Variants in ZMYM4 observed in about 807,000 individuals in gnomAD.
The protein encoded by ZMYM4 is zinc finger MYM-type protein 4.
ZMYM4 carries 31 observed loss-of-function variants against 183.2 expected under a neutral mutation model. The ratio of observed to expected loss-of-function variants is 0.17; its 90% CI spans 0.13 to 0.23. The LOEUF (loss-of-function observed/expected upper bound fraction) is 0.23, where lower values mean the gene tolerates loss of function less well. ZMYM4 is among the 10% of genes least tolerant of loss of function. ZMYM4 has a pLI of 1.00. For synonymous variants in ZMYM4, 592 were observed against 631.2 expected (o/e 0.94, Z 0.93); for missense variants, 1,273 against 1,840.3 (o/e 0.69, Z 5.64).
chr1:35,410,029 G>A (rs540142451), intron 26 of ZMYM4, among the ~76,000 whole-genome samples: 3 of 152,172 alleles, frequency 2.0e-5, no homozygotes, highest in East Asian at 1.9e-4. Context: ...TCTGGTGAGC[G>A]CTTCAGGAAG....
At chr1:35,299,772 C>A (rs769950643) in intron 1 of ZMYM4, among the ~76,000 whole-genome samples, 1 of 151,842 alleles carries the variant, frequency 6.6e-6, no homozygotes, top group Non-Finnish European at 1.5e-5. Flanking sequence ...AAGCAACCAA[C>A]AGAGATTCTT....
Position 35,392,338 on chromosome 1 carries a change from A to G in ZMYM4, c.2714A>G (p.Asn905Ser), listed in dbSNP as rs776613438. ...GCTGCTCAGCCTACAGTGAATTCTAACAGTGTCTTACAAGGTATGGCTTGA... is the reference window on the plus strand; with the variant it reads ...GCTGCTCAGCCTACAGTGAATTCTAGCAGTGTCTTACAAGGTATGGCTTGA... The part of the protein sequence containing the change: ...APAAQPTVNS[N>S]SVLQGAVPTV... The change falls in exon 16 of 30, where the codon AAC (asparagine) becomes AGC (serine). Residue 905 changes from asparagine (N) to serine (S), a missense_variant. This residue lies in a region of ZMYM4 where 290 missense variants were observed against 353.3 expected (regional missense o/e 0.82). Coordinates refer to ENST00000314607, the MANE Select transcript of ZMYM4 (RefSeq NM_005095.3). 2 of 1,613,954 alleles carry G rather than the reference A, an allele frequency of 1.2e-6. No individual in the cohort carries two copies. Among genetic ancestry groups the G allele is most frequent in the African/African-American group, 1.3e-5 (1 of 74,936 alleles).
At chr1:35,351,284 A>G in intron 2 of ZMYM4, 1 of 1,581,734 alleles carries the variant, frequency 6.3e-7, no homozygotes, top group Non-Finnish European at 8.7e-7. Flanking sequence ...AAAGCAAGGA[A>G]TTTAATGCAG....
chr1:35,415,903 A>G (rs370337087), intron 28 of ZMYM4, among the ~76,000 whole-genome samples, 189 bp downstream of exon 28: 1 of 152,266 alleles, frequency 6.6e-6, no homozygotes, highest in African/African-American at 2.4e-5. Context: ...ACGTGCTTCA[A>G]TATACTTTCA....
intron 1 of ZMYM4, among the ~76,000 whole-genome samples, chr1:35,284,541 C>G (rs1482473996): frequency 6.6e-6 from 1 of 152,140 alleles, no homozygotes; most frequent in Non-Finnish European, 1.5e-5. Context: ...GTTGAAGAGC[C>G]TGTTCTTTCC....
At chr1:35,271,998 T>C (rs1347013222) in intron 1 of ZMYM4, among the ~76,000 whole-genome samples, 4 of 152,354 alleles carry the variant, frequency 2.6e-5, no homozygotes, top group Non-Finnish European at 4.4e-5. Flanking sequence ...ATAATATTTT[T>C]TGATCCATAA....
chr1:35,335,254 CCAGA>C (rs1009115864), intron 2 of ZMYM4, among the ~76,000 whole-genome samples: 1 of 149,582 alleles, frequency 6.7e-6, no homozygotes, highest in Admixed American at 6.6e-5. Context: ...TTTTTTTTTC[CCAGA>C]CAGAGTCTCG....
At chr1:35,325,996 C>T (rs759244691) in intron 2 of ZMYM4, among the ~76,000 whole-genome samples, 15 of 152,088 alleles carry the variant, frequency 9.9e-5, no homozygotes, top group South Asian at 2.1e-4. Flanking sequence ...CATTCAACTG[C>T]GTAGACATCT....
intron 2 of ZMYM4, among the ~76,000 whole-genome samples, chr1:35,353,149 T>C (rs756160031): frequency 1.3e-5 from 2 of 152,232 alleles, no homozygotes; most frequent in Non-Finnish European, 2.9e-5. Context: ...TATCAGGCAA[T>C]GCCTCTACCT....
At chr1:35,392,488 T>A (rs1644728442) in intron 16 of ZMYM4, 136 bp downstream of exon 16, 1 of 1,295,920 alleles carries the variant, frequency 7.7e-7, no homozygotes, top group Non-Finnish European at 1.1e-6. Flanking sequence ...TGCACAAGTT[T>A]CATATCTCAT....
Position 35,346,807 on chromosome 1 carries a change from T to G in ZMYM4, c.86-12118T>G, listed in dbSNP as rs149324741. On this transcript the variant is annotated intron_variant, in intron 2 of 29. Transcript: ENST00000314607. Reference sequence around the variant, plus strand: ...CTACACATAGCAACATTTCTATAGATGTAGTGTTAGCAAACCTTTTTCCTA... The same window carrying G: ...CTACACATAGCAACATTTCTATAGAGGTAGTGTTAGCAAACCTTTTTCCTA... Among the ~76,000 whole-genome samples the G allele has an allele frequency of 7.0e-3, 1,073 of 152,276 alleles. 2 individuals are homozygous for G. Among genetic ancestry groups the G allele is most frequent in the Admixed American group, 0.012 (189 of 15,286 alleles).
At chr1:35,294,331 A>T (rs935730629) in intron 1 of ZMYM4, among the ~76,000 whole-genome samples, 1 of 152,190 alleles carries the variant, frequency 6.6e-6, no homozygotes, top group Non-Finnish European at 1.5e-5. Flanking sequence ...ACTCAATATT[A>T]TAAAAGTATG....
chr1:35,310,357 GT>G, intron 1 of ZMYM4: 1 of 264,052 alleles, frequency 3.8e-6, no homozygotes. Flanking sequence ...TGAGGGGCAA[GT>G]TTTTCACTAA....
At position 35,387,681 on chromosome 1, in the gene ZMYM4, T is replaced by C. The variant is rs1644607042; in HGVS notation, c.2263+77T>C. The C allele has an allele frequency of 2.8e-6, 4 of 1,443,942 alleles. No homozygotes were observed. The African/African-American group carries it at 4.3e-5, about 15-fold the overall frequency. The allele number at this position is 1,443,942 out of a possible 1,614,324, so 89.4% of individuals were successfully genotyped here. A position where few individuals can be genotyped will look rare whatever the true frequency, so the allele number is the denominator to read the frequency against. On this transcript the variant is annotated intron_variant, in intron 13 of 29. Coordinates refer to ENST00000314607, the MANE Select transcript of ZMYM4 (RefSeq NM_005095.3). ...AGTTGATGATGATTTAAGCTTTCACTGTCTAAGTTAATCTGTTTTATTGTT... is the reference window on the plus strand; with the variant it reads ...AGTTGATGATGATTTAAGCTTTCACCGTCTAAGTTAATCTGTTTTATTGTT...
intron 20 of ZMYM4, among the ~76,000 whole-genome samples, chr1:35,398,132 C>T (rs1008510207): frequency 1.3e-5 from 2 of 152,132 alleles, no homozygotes; most frequent in African/African-American, 4.8e-5. Context: ...TTAGACTTGC[C>T]TTGGTTATGC....
At chr1:35,274,539 G>T (rs1158271768) in intron 1 of ZMYM4, among the ~76,000 whole-genome samples, 1 of 150,994 alleles carries the variant, frequency 6.6e-6, no homozygotes, top group South Asian at 2.1e-4. Context: ...CTAGGATTTC[G>T]AGATTGCATT....
Position 35,290,061 on chromosome 1 carries a change from G to A in ZMYM4, c.39+20976G>A, listed in dbSNP as rs534074033. Among the ~76,000 whole-genome samples, 3 of 151,954 alleles carry A rather than the reference G, an allele frequency of 2.0e-5. No individual in the cohort carries two copies. In the South Asian group the frequency reaches 6.2e-4, roughly 32 times the overall value. ...CAACTCACTGCAGCCCCTGGCTTCC[G>A]GGCTCAAGTGATTCTCCCACCTCAG... is the stretch of plus-strand genomic sequence containing the variant. On this transcript the variant is annotated intron_variant, in intron 1 of 29. Coordinates refer to ENST00000314607, the MANE Select transcript of ZMYM4 (RefSeq NM_005095.3).
At chr1:35,330,082 G>T (rs911063931) in intron 2 of ZMYM4, among the ~76,000 whole-genome samples, 19 of 151,992 alleles carry the variant, frequency 1.3e-4, no homozygotes, top group African/African-American at 4.6e-4. Context: ...GAATGTGGTG[G>T]TGCATGCCTG....
intron 26 of ZMYM4, among the ~76,000 whole-genome samples, chr1:35,412,978 C>A (rs768572699): frequency 1.2e-4 from 19 of 152,032 alleles, no homozygotes; most frequent in Admixed American, 1.2e-3. Flanking sequence ...TAATTACATG[C>A]TGCCTTGGAT....
Sources: gnomAD v4.1 joint callset for allele counts (sites outside exome capture counted in the v4.1 genomes callset) on GRCh38, gnomAD v4.1.1 for gene constraint, gnomAD v4.1.1 regional missense constraint, MANE v1.5 for transcripts, NCBI Gene and HGNC (gene_info 2026-07-23, HGNC 2026-07-21) for gene names.